Variants in PARVG observed in about 807,000 individuals in gnomAD.
The protein encoded by PARVG is gamma-parvin.
In PARVG, 36 loss-of-function variants were observed where a neutral mutation model predicts 44.4. That is an observed-to-expected ratio of 0.81 (90% CI 0.62 to 1.07). The LOEUF is 1.07. Ranked by LOEUF, PARVG falls within the 50% of genes least tolerant of loss-of-function variation. The pLI, the probability that PARVG is intolerant of heterozygous loss-of-function variation, is 0.00. For synonymous variants in PARVG, 170 were observed against 174.1 expected, an observed-to-expected ratio of 0.98 and a Z score of 0.19; for missense variants, 407 against 407.4, an observed-to-expected ratio of 1.00 and a Z score of 0.01.
At chr22:44,189,288 G>A in intron 6 of PARVG, 34 bp downstream of exon 6, 7 of 1,609,030 alleles carry the variant, frequency 4.4e-6, no homozygotes, top group South Asian at 3.3e-5. Flanking sequence ...CCCCTGGGGA[G>A]TGTGGGGCCG....
rs761087802 is a variant in PARVG at position 44,190,551 on chromosome 22, G to T, written c.389G>T (p.Ser130Ile). 1.4e-5 allele frequency: 23 copies of T among 1,613,114 alleles called. No individual in the cohort carries two copies. The highest frequency in any genetic ancestry group is 4.0e-5 in the African/African-American group (3 of 74,908). Residue 130 changes from serine to isoleucine, a missense_variant and splice_region_variant, in exon 7 of 14, where the codon AGC (serine) becomes ATC (isoleucine). Ser to Ile is a moderately radical substitution (Grantham distance 142). Transcript: ENST00000444313. ...EEWQAKWSVESIFNKDLLSTL... is the reference protein window; with the variant it reads ...EEWQAKWSVEIIFNKDLLSTL... Reference sequence around the variant, plus strand: ...TGACCTGTCTCCACTCTCTTCCCAGGCATCTTCAACAAGGACCTGTTGTCT... The same window carrying T: ...TGACCTGTCTCCACTCTCTTCCCAGTCATCTTCAACAAGGACCTGTTGTCT...
chr22:44,187,932 G>C, intron 5 of PARVG, 54 bp downstream of exon 5: 1 of 1,580,846 alleles, frequency 6.3e-7, no homozygotes, highest in Non-Finnish European at 8.7e-7. Flanking sequence ...CCCTGACCTG[G>C]CCCCTCCAGG....
chr22:44,182,277 G>A lies in PARVG; in HGVS notation c.-13+360G>A, dbSNP rs995295895. 6.6e-6 allele frequency among the ~76,000 whole-genome samples: 1 copy of A among 152,238 alleles called. No homozygotes were observed. The highest frequency in any genetic ancestry group is 6.5e-5 in the Admixed American group (1 of 15,292). Reference sequence around the variant, plus strand: ...CTTGTAACCATGCATCAGGACCAGAGAGGGCAGGGGGTTTGCCCAACGTCA... The same window carrying A: ...CTTGTAACCATGCATCAGGACCAGAAAGGGCAGGGGGTTTGCCCAACGTCA... On this transcript the variant is annotated intron_variant, in intron 2 of 13. Coordinates refer to ENST00000444313, the MANE Select transcript of PARVG (RefSeq NM_022141.7). The surrounding 1 kb of genome is among the most constrained non-coding windows in gnomAD (Gnocchi z 4.6).
At chr22:44,197,482 G>C (rs534186535) in intron 11 of PARVG, among the ~76,000 whole-genome samples, 1 of 152,346 alleles carries the variant, frequency 6.6e-6, no homozygotes, top group East Asian at 1.9e-4. Flanking sequence ...GCTGGGGCCA[G>C]AGTTAGTGCT....
At chr22:44,205,611 G>A in intron 12 of PARVG, 146 bp from the exon 13 acceptor site, 1 of 828,314 alleles carries the variant, frequency 1.2e-6, no homozygotes. Context: ...ACGGATTGTG[G>A]TCGTGGTCAG....
chr22:44,195,956 G>T, intron 9 of PARVG, 199 bp from the exon 10 acceptor site: 1 of 595,148 alleles, frequency 1.7e-6, no homozygotes, highest in Non-Finnish European at 3.0e-6. Flanking sequence ...CACAGAGAGA[G>T]ACGGTGACTC....
At chr22:44,177,463 G>A (rs1452128054), upstream of PARVG, among the ~76,000 whole-genome samples, 8 of 152,168 alleles carry the variant, frequency 5.3e-5, no homozygotes, top group Non-Finnish European at 1.0e-4. Flanking sequence ...GGCAGGACAA[G>A]GCATTGAATG....
chr22:44,196,553 G>C, intron 11 of PARVG, 138 bp downstream of exon 11: 2 of 1,028,016 alleles, frequency 1.9e-6, no homozygotes, highest in Admixed American at 4.3e-5. Flanking sequence ...CCCCCTCCCC[G>C]GTGGGACTGT....
At chr22:44,195,533 C>T (rs573460005) in intron 9 of PARVG, among the ~76,000 whole-genome samples, 60 of 152,300 alleles carry the variant, frequency 3.9e-4, no homozygotes, top group African/African-American at 1.4e-3. Flanking sequence ...CATGGGCACC[C>T]GAGGCTGGAC....
chr22:44,198,525 TTGTA>T, intron 11 of PARVG, 92 bp from the exon 12 acceptor site: 1 of 887,056 alleles, frequency 1.1e-6, no homozygotes. Flanking sequence ...CTCAGAGAAG[TTGTA>T]TGACTTCCTT....
chr22:44,206,017 G>A (rs1038213183), intron 13 of PARVG, among the ~76,000 whole-genome samples, 188 bp downstream of exon 13: 1 of 152,200 alleles, frequency 6.6e-6, no homozygotes, highest in Non-Finnish European at 1.5e-5. Flanking sequence ...CAGGGGAAGA[G>A]GTTCTGGGGA....
At chr22:44,180,578 G>A (rs16991618), upstream of PARVG, among the ~76,000 whole-genome samples, 4,240 of 152,258 alleles carry the variant, frequency 0.028, 205 homozygotes, top group African/African-American at 0.097. Flanking sequence ...GGGCACTTCA[G>A]AATGGCAGGG....
In PARVG at chr22:44,185,796, C is replaced by T; in HGVS notation, c.80-12C>T. On this transcript the variant is annotated splice_polypyrimidine_tract_variant and intron_variant, in intron 3 of 13. Coordinates refer to ENST00000444313, the MANE Select transcript of PARVG (RefSeq NM_022141.7). The stretch of plus-strand genomic sequence containing the variant: ...GGTCCCCATGCGCTTGTCATACCCA[C>T]TCTGCTTCCAGGAGGAAAGAAGAAA... The T allele has an allele frequency of 6.2e-7, 1 of 1,612,234 alleles. No individual in the cohort carries two copies. The highest frequency in any genetic ancestry group is 1.1e-5 in the South Asian group (1 of 90,968).
chr22:44,196,608 G>GA (rs1044376382), intron 11 of PARVG, among the ~76,000 whole-genome samples, 193 bp downstream of exon 11: 3 of 152,132 alleles, frequency 2.0e-5, no homozygotes, highest in African/African-American at 7.2e-5. Flanking sequence ...TGGGATCCCG[G>GA]GGGTGGAGGT....
chr22:44,206,205 C>T, intron 13 of PARVG, 112 bp from the exon 14 acceptor site: 1 of 790,202 alleles, frequency 1.3e-6, no homozygotes. Context: ...TCCAGGGATT[C>T]TCCTGGGATT....
At chr22:44,181,442 G>A (rs1417006289) in intron 1 of PARVG, 2 of 965,794 alleles carry the variant, frequency 2.1e-6, no homozygotes, top group Non-Finnish European at 2.5e-6. Flanking sequence ...GTGGGAGGAC[G>A]GCGGTGCGGG....
At chr22:44,206,207 C>T (rs370861756) in intron 13 of PARVG, 110 bp from the exon 14 acceptor site, 1 of 805,162 alleles carries the variant, frequency 1.2e-6, no homozygotes, top group South Asian at 1.6e-5. Context: ...CAGGGATTCT[C>T]CTGGGATTAG....
At chr22:44,183,024 G>A (rs759740865) in intron 2 of PARVG, 5 of 406,554 alleles carry the variant, frequency 1.2e-5, no homozygotes, top group African/African-American at 4.2e-5. Flanking sequence ...GCAGGAGCAC[G>A]GTGGGCGGCC....
intron 12 of PARVG, among the ~76,000 whole-genome samples, chr22:44,201,044 C>T (rs947120850): frequency 6.6e-6 from 1 of 152,152 alleles, no homozygotes; most frequent in African/African-American, 2.4e-5. Context: ...GGCCCCCTTC[C>T]AGCTCTCCAG....
Sources: gnomAD v4.1 joint callset for allele counts (sites outside exome capture counted in the v4.1 genomes callset) on GRCh38, gnomAD v4.1.1 for gene constraint, Gnocchi (gnomAD v3.1) non-coding constraint, MANE v1.5 for transcripts, NCBI Gene and HGNC (gene_info 2026-07-23, HGNC 2026-07-21) for gene names.